The following NUP107 variants were observed in gnomAD, a reference collection of about 807,000 sequenced individuals.
NUP107 encodes nuclear pore complex protein Nup107.
In NUP107, 101 loss-of-function variants were observed where a neutral mutation model predicts 141.0. That is an observed-to-expected ratio of 0.72 (90% CI 0.61 to 0.84). The LOEUF (loss-of-function observed/expected upper bound fraction) is 0.84. Ranked by LOEUF, NUP107 falls within the 40% of genes least tolerant of loss-of-function variation. The pLI is 0.00. For synonymous variants in NUP107, 319 were observed against 363.9 expected (o/e 0.88, Z 1.41); for missense variants, 941 against 1,102.7 (o/e 0.85, Z 2.08).
At chr12:68,740,039 A>G (rs1054870881) in intron 26 of NUP107, 1 of 152,198 alleles carries the variant, frequency 6.6e-6, no homozygotes, top group Non-Finnish European at 1.5e-5. Context: ...CCCGCCCGCT[A>G]GTATCGGAAT....
At chr12:68,721,316 A>T in intron 15 of NUP107, 139 bp downstream of exon 15, 1 of 529,504 alleles carries the variant, frequency 1.9e-6, no homozygotes, top group Non-Finnish European at 3.3e-6. Flanking sequence ...AATGATAGAG[A>T]TAATCATGAA....
In NUP107 at chr12:68,692,079, G is replaced by T; in HGVS notation, c.415G>T (p.Val139Phe). ...SITEDVTISAVMLREDDPGEA... is the reference protein window; with the variant it reads ...SITEDVTISAFMLREDDPGEA... ...AACAGAAGATGTAACTATCAGTGCTGTTATGTTACGTGAGGATGATCCTGG... is the reference window on the plus strand; with the variant it reads ...AACAGAAGATGTAACTATCAGTGCTTTTATGTTACGTGAGGATGATCCTGG... Residue 139 changes from valine to phenylalanine, a missense_variant, in exon 5 of 28, where the codon GTT becomes TTT. By Grantham distance (50) the Val-to-Phe change is conservative (BLOSUM62 -1). Coordinates refer to ENST00000229179, the MANE Select transcript of NUP107 (RefSeq NM_020401.4). 1.2e-6 allele frequency: 2 copies of T among 1,608,584 alleles called. No individual in the cohort carries two copies. Among genetic ancestry groups the T allele is most frequent in the Non-Finnish European group, 1.7e-6 (2 of 1,178,372 alleles).
At chr12:68,724,630 A>G (rs992146561) in intron 17 of NUP107, among the ~76,000 whole-genome samples, 3 of 152,076 alleles carry the variant, frequency 2.0e-5, no homozygotes, top group Admixed American at 6.6e-5. Context: ...AATTTTAAAA[A>G]TTAGCCGGGT....
At chr12:68,696,785 C>G in intron 5 of NUP107, 34 bp from the exon 6 acceptor site, 1 of 1,182,996 alleles carries the variant, frequency 8.5e-7, no homozygotes, top group Non-Finnish European at 1.2e-6. Flanking sequence ...CTTAACTTTT[C>G]TTTATTCCTT....
At chr12:68,690,166 CA>C (rs113877879) in intron 3 of NUP107, among the ~76,000 whole-genome samples, 29,248 of 119,218 alleles carry the variant, frequency 0.25, 3,221 homozygotes, top group Middle Eastern at 0.37. Context: ...GGCGACAGAG[CA>C]AAAAAAAAAA....
intron 8 of NUP107, chr12:68,706,369 G>C: frequency 7.3e-7 from 1 of 1,362,404 alleles, no homozygotes; most frequent in Non-Finnish European, 1.0e-6. Context: ...CATCTGTGGT[G>C]CTGTCCATTG....
chr12:68,687,232 GA>G, intron 1 of NUP107, 159 bp downstream of exon 1: 9 of 1,051,110 alleles, frequency 8.6e-6, no homozygotes, highest in East Asian at 2.5e-5. Flanking sequence ...CACAAATGGG[GA>G]AAAAGCCGCT....
chr12:68,692,700 A>T (rs1875866790), intron 5 of NUP107, among the ~76,000 whole-genome samples: 1 of 151,846 alleles, frequency 6.6e-6, no homozygotes, highest in African/African-American at 2.4e-5. Flanking sequence ...CTGCAGCCTC[A>T]GCCTCCTGAA....
Position 68,728,372 on chromosome 12 carries a change from G to T in NUP107, c.1734+983G>T, listed in dbSNP as rs868740428. ...TTTGGGAAACAGAGGTGGGTGGATC[G>T]CTTGAGCCCAGGAGTTCAAGACTAG... On this transcript the variant is annotated intron_variant, in intron 20 of 27. Coordinates refer to ENST00000229179, the MANE Select transcript of NUP107 (RefSeq NM_020401.4). Among the ~76,000 whole-genome samples the T allele has an allele frequency of 8.3e-4, 124 of 149,856 alleles. 1 individual carries two copies. The highest frequency in any genetic ancestry group is 2.9e-3 in the African/African-American group (118 of 40,812).
At chr12:68,691,841 G>GAA (rs777729661) in intron 4 of NUP107, 127 bp from the exon 5 acceptor site, 657 of 575,398 alleles carry the variant, frequency 1.1e-3, no homozygotes, top group South Asian at 2.2e-3. Flanking sequence ...CTCAAGAAGG[G>GAA]AAAAAAAAAA....
chr12:68,731,908 G>A (rs1325746910), intron 22 of NUP107, among the ~76,000 whole-genome samples, 189 bp downstream of exon 22: 1 of 152,072 alleles, frequency 6.6e-6, no homozygotes, highest in East Asian at 1.9e-4. Flanking sequence ...TATGTTAAAG[G>A]AGCTTCTTTA....
chr12:68,732,808 T>G (rs568487002), intron 23 of NUP107, 69 bp downstream of exon 23: 2 of 1,053,896 alleles, frequency 1.9e-6, no homozygotes, highest in African/African-American at 3.2e-5. Context: ...GCCTCCCAAG[T>G]AGCTGGGACT....
intron 5 of NUP107, among the ~76,000 whole-genome samples, chr12:68,694,609 G>C (rs1357464601): frequency 6.6e-6 from 1 of 152,106 alleles, no homozygotes; most frequent in Non-Finnish European, 1.5e-5. Flanking sequence ...CAAAGAAATA[G>C]AATAGACAGA....
At chr12:68,721,757 A>C in intron 15 of NUP107, 84 bp from the exon 16 acceptor site, 1 of 1,292,820 alleles carries the variant, frequency 7.7e-7, no homozygotes. Context: ...GTGATTTTAT[A>C]GTCTGTATCA....
At chr12:68,711,535 CAA>C (rs36048355) in intron 10 of NUP107, among the ~76,000 whole-genome samples, 20 of 124,402 alleles carry the variant, frequency 1.6e-4, no homozygotes, top group Admixed American at 2.4e-4. Flanking sequence ...GACTCCACCT[CAA>C]AAAAAAAAAA....
At chr12:68,711,537 A>G (rs1443240563) in intron 10 of NUP107, among the ~76,000 whole-genome samples, 3 of 147,212 alleles carry the variant, frequency 2.0e-5, no homozygotes, top group African/African-American at 7.4e-5. Context: ...CTCCACCTCA[A>G]AAAAAAAAAA....
At chr12:68,708,480 T>C (rs1357187892) in intron 8 of NUP107, among the ~76,000 whole-genome samples, 4 of 152,206 alleles carry the variant, frequency 2.6e-5, no homozygotes, top group Admixed American at 6.5e-5. Context: ...AAATTGTCTT[T>C]TAAAGTCAGT....
chr12:68,706,502 C>T (rs148480398), intron 8 of NUP107: 77 of 687,762 alleles, frequency 1.1e-4, no homozygotes, highest in East Asian at 7.0e-4. Context: ...GAGCTGCAGA[C>T]GCTGGCTTGG....
Position 68,731,686 on chromosome 12 carries a change from C to A in NUP107, c.1965C>A (p.Asp655Glu). Residue 655 changes from aspartate (D) to glutamate (E), a missense_variant, in exon 22 of 28, where the codon GAC becomes GAA. By Grantham distance (45) the Asp-to-Glu change is conservative. Coordinates refer to ENST00000229179, the MANE Select transcript of NUP107 (RefSeq NM_020401.4). ...KKDNGEFSHH[D>E]LAPALDTGTT... Reference sequence around the variant, plus strand: ...ATAATGGTGAATTTAGTCATCATGACCTGGCCCCAGCCCTAGATACTGGCA... The same window carrying A: ...ATAATGGTGAATTTAGTCATCATGAACTGGCCCCAGCCCTAGATACTGGCA... 6.3e-7 allele frequency: 1 copy of A among 1,584,198 alleles called. No homozygotes were observed.
Sources: allele counts gnomAD v4.1 joint callset (sites outside exome capture counted in the v4.1 genomes callset), GRCh38; gene constraint gnomAD v4.1.1; transcripts MANE v1.5; gene names NCBI Gene and HGNC (gene_info 2026-07-23, HGNC 2026-07-21).